The following EFCAB11 variants were observed in gnomAD, a reference collection of about 807,000 sequenced individuals.
EFCAB11 encodes the protein EF-hand calcium binding domain 11, also known as EF-hand calcium-binding domain-containing protein 11.
EFCAB11 carries 14 observed loss-of-function variants against 23.0 expected under a neutral mutation model. That is an observed-to-expected ratio of 0.61 (90% CI 0.40 to 0.95). The LOEUF (loss-of-function observed/expected upper bound fraction) is 0.95. EFCAB11 is among the 40% of genes least tolerant of loss of function. The pLI, the probability that EFCAB11 is intolerant of heterozygous loss-of-function variation, is 0.00. For synonymous variants in EFCAB11, 65 were observed against 66.6 expected, an observed-to-expected ratio of 0.98 and a Z score of 0.11; for missense variants, 198 against 195.8, an observed-to-expected ratio of 1.01 and a Z score of -0.07.
intron 5 of EFCAB11, among the ~76,000 whole-genome samples, chr14:89,858,470 C>G (rs1323349511): frequency 6.6e-6 from 1 of 152,058 alleles, no homozygotes; most frequent in Non-Finnish European, 1.5e-5. Flanking sequence ...GGTCAACAGG[C>G]TAATAGGCTA....
chr14:89,819,742 G>C (rs1258220906), intron 5 of EFCAB11, among the ~76,000 whole-genome samples: 2 of 152,092 alleles, frequency 1.3e-5, no homozygotes, highest in Non-Finnish European at 2.9e-5. Flanking sequence ...CAGCCCCAAA[G>C]AAACTTTTAA....
intron 5 of EFCAB11, among the ~76,000 whole-genome samples, chr14:89,834,437 C>G (rs1191820025): frequency 7.0e-6 from 1 of 142,478 alleles, no homozygotes; most frequent in South Asian, 2.3e-4. Flanking sequence ...ATTTGTGAGT[C>G]TACTTGCAAC....
chr14:89,888,917 T>C (rs1262706118), intron 5 of EFCAB11, among the ~76,000 whole-genome samples: 1 of 152,198 alleles, frequency 6.6e-6, no homozygotes, highest in Non-Finnish European at 1.5e-5. Flanking sequence ...TGTGATACTG[T>C]CTCTGTTTGC....
chr14:89,822,222 T>C (rs1221657154), intron 5 of EFCAB11, among the ~76,000 whole-genome samples: 1 of 152,220 alleles, frequency 6.6e-6, no homozygotes, highest in East Asian at 1.9e-4. Flanking sequence ...GTTATAAATG[T>C]ATTCTCAAAA....
chr14:89,950,466 C>G (rs1432377309), intron 2 of EFCAB11, among the ~76,000 whole-genome samples: 2 of 152,088 alleles, frequency 1.3e-5, no homozygotes, highest in Non-Finnish European at 1.5e-5. Flanking sequence ...CTACTTTAGA[C>G]AAATACAACT....
intron 5 of EFCAB11, among the ~76,000 whole-genome samples, chr14:89,838,138 A>G (rs1887145626): frequency 6.6e-6 from 1 of 152,206 alleles, no homozygotes; most frequent in South Asian, 2.1e-4. Flanking sequence ...GAAAATTACA[A>G]AAGGATATGC....
chr14:89,915,423 TTCAA>T (rs1458520872), intron 5 of EFCAB11, among the ~76,000 whole-genome samples: 2 of 152,232 alleles, frequency 1.3e-5, no homozygotes, highest in African/African-American at 4.8e-5. Flanking sequence ...CTTCTGTTCT[TTCAA>T]TCAGTTTCTT....
At chr14:89,860,460 C>A (rs1310422510) in intron 5 of EFCAB11, among the ~76,000 whole-genome samples, 1 of 152,150 alleles carries the variant, frequency 6.6e-6, no homozygotes, top group Non-Finnish European at 1.5e-5. Context: ...TGTGTTGTTA[C>A]TATAGGCATA....
chr14:89,860,177 A>C (rs1183720303), intron 5 of EFCAB11, among the ~76,000 whole-genome samples: 1 of 152,170 alleles, frequency 6.6e-6, no homozygotes, highest in Non-Finnish European at 1.5e-5. Flanking sequence ...CAGCCTGGCC[A>C]ACATGGTAAA....
intron 5 of EFCAB11, among the ~76,000 whole-genome samples, chr14:89,905,920 T>C (rs1400431080): frequency 1.3e-5 from 2 of 152,104 alleles, no homozygotes; most frequent in African/African-American, 4.8e-5. Flanking sequence ...AAAATCATGA[T>C]ATCACTGACG....
At chr14:89,805,886 T>C (rs1483084804) in intron 5 of EFCAB11, among the ~76,000 whole-genome samples, 1 of 152,220 alleles carries the variant, frequency 6.6e-6, no homozygotes, top group African/African-American at 2.4e-5. Flanking sequence ...ATGAACATAG[T>C]ATTTTTGAAA....
At chr14:89,829,369 C>G (rs1200189844) in intron 5 of EFCAB11, among the ~76,000 whole-genome samples, 1 of 152,176 alleles carries the variant, frequency 6.6e-6, no homozygotes, top group Non-Finnish European at 1.5e-5. Flanking sequence ...TGCGTTAAAT[C>G]TTAGATTATT....
intron 3 of EFCAB11, among the ~76,000 whole-genome samples, chr14:89,941,876 G>A (rs978024442): frequency 2.0e-5 from 3 of 151,994 alleles, no homozygotes; most frequent in Non-Finnish European, 4.4e-5. Context: ...ATATAATGAG[G>A]ATAATATGGT....
At chr14:89,841,054 C>G (rs970316301) in intron 5 of EFCAB11, among the ~76,000 whole-genome samples, 3 of 152,178 alleles carry the variant, frequency 2.0e-5, no homozygotes, top group Non-Finnish European at 4.4e-5. Context: ...CCTCACACTG[C>G]CTTGTGCTTT....
At chr14:89,949,692 G>A (rs1284575601) in intron 3 of EFCAB11, among the ~76,000 whole-genome samples, 1 of 152,114 alleles carries the variant, frequency 6.6e-6, no homozygotes, top group African/African-American at 2.4e-5. Context: ...TTTTCATTTT[G>A]TGAGTGTTGT....
Position 89,876,635 on chromosome 14 carries a change from G to C in EFCAB11, c.410+54906C>G, listed in dbSNP as rs577728553. Among the ~76,000 whole-genome samples the C allele has an allele frequency of 2.6e-4, 39 of 152,184 alleles. 1 individual carries two copies. The South Asian group carries it at 3.5e-3, about 14-fold the overall frequency. On this transcript the variant is annotated intron_variant, in intron 5 of 5. Transcript: ENST00000316738. ...CAGTTGGGGTCACAAGAAAAAAGAG[G>C]GGGGAAAGTAAATCAAGGAAGAGTT...
At chr14:89,910,790 G>T (rs1889653389) in intron 5 of EFCAB11, among the ~76,000 whole-genome samples, 1 of 152,138 alleles carries the variant, frequency 6.6e-6, no homozygotes, top group African/African-American at 2.4e-5. Context: ...TATATTGTGG[G>T]AAGAAGCAGG....
intron 5 of EFCAB11, among the ~76,000 whole-genome samples, chr14:89,877,239 C>T (rs1256656829): frequency 6.6e-6 from 1 of 152,008 alleles, no homozygotes; most frequent in Non-Finnish European, 1.5e-5. Context: ...GGGGTTTCAT[C>T]ATGTTGGTCA....
intron 5 of EFCAB11, among the ~76,000 whole-genome samples, chr14:89,903,546 T>C (rs1246050176): frequency 6.6e-6 from 1 of 150,864 alleles, no homozygotes; most frequent in Non-Finnish European, 1.5e-5. Flanking sequence ...AATAGAGAAC[T>C]TGTTTCCTTA....
Sources: gnomAD v4.1 joint callset for allele counts (sites outside exome capture counted in the v4.1 genomes callset) on GRCh38, gnomAD v4.1.1 for gene constraint, MANE v1.5 for transcripts, NCBI Gene and HGNC (gene_info 2026-07-23, HGNC 2026-07-21) for gene names.